Variants in NCKAP5 observed in about 807,000 individuals in gnomAD.
The protein encoded by NCKAP5 is nck-associated protein 5.
A neutral mutation model predicts 167.0 loss-of-function variants in NCKAP5; 92 were observed. The ratio of observed to expected loss-of-function variants is 0.55; its 90% CI spans 0.47 to 0.66. The LOEUF is 0.66. Ranked by LOEUF, NCKAP5 falls within the 30% of genes least tolerant of loss-of-function variation. The probability of loss-of-function intolerance (pLI) is 0.00; values close to 1 mark genes in which losing one functional copy is unlikely to be tolerated. For missense variants in NCKAP5, 2,378 were observed against 2,315.0 expected (o/e 1.03, Z -0.56); for synonymous variants, 891 against 877.4 (o/e 1.02, Z -0.27).
At chr2:132,734,415 C>T (rs1166643778) in intron 16 of NCKAP5, among the ~76,000 whole-genome samples, 2 of 152,038 alleles carry the variant, frequency 1.3e-5, no homozygotes, top group African/African-American at 4.8e-5. Flanking sequence ...TCATCAGAAC[C>T]GACTCAGTCT....
intron 5 of NCKAP5, among the ~76,000 whole-genome samples, chr2:133,203,744 T>C (rs1030394576): frequency 6.6e-6 from 1 of 152,128 alleles, no homozygotes; most frequent in Non-Finnish European, 1.5e-5. Flanking sequence ...CAGAGTGCTA[T>C]ACAAAAAGAA....
the NCKAP5 span, among the ~76,000 whole-genome samples, chr2:133,586,950 C>T: frequency 3.3e-5 from 5 of 152,126 alleles, no homozygotes; most frequent in African/African-American, 1.2e-4. Flanking sequence ...AAGAGGTCTG[C>T]AGCCAGTTCA....
At chr2:133,515,967 C>A (rs1425663861) in intron 3 of NCKAP5, among the ~76,000 whole-genome samples, 1 of 152,188 alleles carries the variant, frequency 6.6e-6, no homozygotes, top group South Asian at 2.1e-4. Context: ...AAGACAATAG[C>A]TTATTATGTT....
intron 8 of NCKAP5, among the ~76,000 whole-genome samples, chr2:132,948,565 T>A (rs974466363): frequency 6.6e-6 from 1 of 151,754 alleles, no homozygotes; most frequent in Admixed American, 6.6e-5. Flanking sequence ...CTAATTTGAG[T>A]CCAAAAGGTG....
chr2:133,316,296 G>C (rs1485283693), intron 3 of NCKAP5, among the ~76,000 whole-genome samples: 1 of 152,166 alleles, frequency 6.6e-6, no homozygotes, highest in African/African-American at 2.4e-5. Context: ...ATTCAAATGA[G>C]ATTGGGGACA....
chr2:133,579,842 T>C, the NCKAP5 span, among the ~76,000 whole-genome samples: 1 of 152,212 alleles, frequency 6.6e-6, no homozygotes, highest in African/African-American at 2.4e-5. Flanking sequence ...CCCCCCATTT[T>C]AATGTCCCTC....
intron 5 of NCKAP5, among the ~76,000 whole-genome samples, chr2:133,176,236 T>A (rs1206759480): frequency 6.6e-6 from 1 of 152,198 alleles, no homozygotes; most frequent in East Asian, 1.9e-4. Flanking sequence ...GCTCACCAAG[T>A]GAAACCCATG....
chr2:133,272,356 A>G (rs2089552221), intron 4 of NCKAP5, among the ~76,000 whole-genome samples: 1 of 152,162 alleles, frequency 6.6e-6, no homozygotes, highest in South Asian at 2.1e-4. Flanking sequence ...TAAATCAATA[A>G]GCTTAGGGAT....
intron 3 of NCKAP5, among the ~76,000 whole-genome samples, chr2:133,377,691 C>G (rs535327296): frequency 6.6e-6 from 1 of 152,320 alleles, no homozygotes; most frequent in African/African-American, 2.4e-5. Context: ...CAGAGACCAC[C>G]TACCGTGTGC....
intron 6 of NCKAP5, among the ~76,000 whole-genome samples, chr2:133,121,277 T>C (rs936304023): frequency 6.6e-6 from 1 of 151,776 alleles, no homozygotes; most frequent in Admixed American, 6.6e-5. Context: ...CAAAGAAACT[T>C]AAAAGACATA....
chr2:132,751,492 A>T (rs893383869), intron 16 of NCKAP5, among the ~76,000 whole-genome samples: 1 of 152,164 alleles, frequency 6.6e-6, no homozygotes, highest in South Asian at 2.1e-4. Context: ...CTTGTATTCC[A>T]TATGCCTGCA....
chr2:133,505,530 C>A (rs565670872), intron 3 of NCKAP5, among the ~76,000 whole-genome samples: 1 of 152,308 alleles, frequency 6.6e-6, no homozygotes, highest in South Asian at 2.1e-4. Flanking sequence ...GTACTGCATG[C>A]CCTATTTGTG....
chr2:132,844,051 C>T (rs1398884962), intron 11 of NCKAP5, among the ~76,000 whole-genome samples: 1 of 152,084 alleles, frequency 6.6e-6, no homozygotes, highest in South Asian at 2.1e-4. Flanking sequence ...CTCCACTCCT[C>T]CCAGCTTCAG....
At chr2:133,105,714 C>T (rs905969103) in intron 6 of NCKAP5, among the ~76,000 whole-genome samples, 6 of 152,098 alleles carry the variant, frequency 3.9e-5, no homozygotes, top group Non-Finnish European at 7.4e-5. Context: ...CAGTGAGTGC[C>T]GAGTGGTGTT....
At chr2:133,513,921 C>G (rs1367226264) in intron 3 of NCKAP5, among the ~76,000 whole-genome samples, 1 of 152,208 alleles carries the variant, frequency 6.6e-6, no homozygotes, top group East Asian at 1.9e-4. Flanking sequence ...TGCTCATCAG[C>G]TAAATACTAC....
At chr2:133,602,611 C>A in the NCKAP5 span, among the ~76,000 whole-genome samples, 2 of 152,192 alleles carry the variant, frequency 1.3e-5, no homozygotes, top group African/African-American at 4.8e-5. Context: ...CAGAGTGCAT[C>A]TTTTGACTTT....
chr2:132,794,245 TATATATATATATATATATAGAG>T (rs1359080073), intron 12 of NCKAP5, among the ~76,000 whole-genome samples: 8 of 59,892 alleles, frequency 1.3e-4, no homozygotes, highest in African/African-American at 3.7e-4. Context: ...TATATATATA[TATATATATATATATATATAGAG>T]AGAGAGAGAG....
chr2:133,518,643 C>T (rs1684229290), intron 2 of NCKAP5, among the ~76,000 whole-genome samples: 1 of 151,980 alleles, frequency 6.6e-6, no homozygotes, highest in Non-Finnish European at 1.5e-5. Flanking sequence ...CATGAGCCAC[C>T]GCGCCTGGCC....
intron 4 of NCKAP5, among the ~76,000 whole-genome samples, chr2:133,220,500 G>T (rs1448944768): frequency 6.6e-6 from 1 of 152,004 alleles, no homozygotes; most frequent in Non-Finnish European, 1.5e-5. Flanking sequence ...CTTCAATATA[G>T]CCCCAGACTA....
Sources: gnomAD v4.1 joint callset for allele counts (sites outside exome capture counted in the v4.1 genomes callset) on GRCh38, gnomAD v4.1.1 for gene constraint, MANE v1.5 for transcripts, NCBI Gene and HGNC (gene_info 2026-07-23, HGNC 2026-07-21) for gene names.